Variants in VAT1L observed in about 807,000 individuals in gnomAD.
VAT1L encodes the protein putative NADPH-dependent quinone oxidoreductase VAT1L.
VAT1L carries 34 observed loss-of-function variants against 44.1 expected under a neutral mutation model. That is an observed-to-expected ratio of 0.77 (90% CI 0.59 to 1.03). The LOEUF is 1.03. VAT1L is among the 50% of genes least tolerant of loss of function. VAT1L has a pLI of 0.00. For synonymous variants in VAT1L, 253 were observed against 202.2 expected, an observed-to-expected ratio of 1.25 and a Z score of -2.13; for missense variants, 615 against 538.8, an observed-to-expected ratio of 1.14 and a Z score of -1.40.
At chr16:77,897,925 A>C (rs145645564) in intron 7 of VAT1L, among the ~76,000 whole-genome samples, 6 of 152,314 alleles carry the variant, frequency 3.9e-5, no homozygotes, top group Non-Finnish European at 7.3e-5. Context: ...CTGTTGTAAC[A>C]AAGTACCACA....
At chr16:77,828,085 G>T (rs1174159834) in intron 3 of VAT1L, among the ~76,000 whole-genome samples, 1 of 152,144 alleles carries the variant, frequency 6.6e-6, no homozygotes, top group African/African-American at 2.4e-5. Context: ...GCAATTAAAG[G>T]TTACCATTAG....
intron 7 of VAT1L, among the ~76,000 whole-genome samples, chr16:77,957,258 C>T (rs2018113614): frequency 6.6e-6 from 1 of 152,144 alleles, no homozygotes; most frequent in Admixed American, 6.5e-5. Context: ...TGAAAACCTT[C>T]AGACATTATG....
intron 7 of VAT1L, among the ~76,000 whole-genome samples, chr16:77,895,859 C>T (rs141625617): frequency 6.6e-6 from 1 of 152,326 alleles, no homozygotes; most frequent in Non-Finnish European, 1.5e-5. Flanking sequence ...TGCTTAGGGG[C>T]AGCCAGGATG....
At chr16:77,952,554 C>T (rs2018056219) in intron 7 of VAT1L, among the ~76,000 whole-genome samples, 1 of 152,060 alleles carries the variant, frequency 6.6e-6, no homozygotes, top group Non-Finnish European at 1.5e-5. Context: ...CAGCACTATG[C>T]TTCCCATAAA....
intron 1 of VAT1L, among the ~76,000 whole-genome samples, chr16:77,797,748 C>A (rs1037259412): frequency 1.3e-5 from 2 of 152,180 alleles, no homozygotes; most frequent in African/African-American, 4.8e-5. Flanking sequence ...GCTCCTGGGA[C>A]TTCCTTTTCC....
rs577277870 is a variant in VAT1L at position 77,940,561 on chromosome 16, T to C, written c.1078-31289T>C. 6.6e-5 allele frequency among the ~76,000 whole-genome samples: 10 copies of C among 152,154 alleles called. No individual in the cohort carries two copies. The South Asian group carries it at 1.9e-3, about 28-fold the overall frequency. On this transcript the variant is annotated intron_variant, in intron 7 of 8. Transcript: ENST00000302536. ...GGTTTCACCATGTTGGTCATGCTGG[T>C]CTTAAACTCCTGACCACGTGATCCG...
chr16:77,819,507 G>A (rs1221760155), intron 2 of VAT1L, among the ~76,000 whole-genome samples: 1 of 151,896 alleles, frequency 6.6e-6, no homozygotes, highest in African/African-American at 2.4e-5. Flanking sequence ...TCAGCCTCCT[G>A]AGTAGCTGGG....
chr16:77,885,742 T>C (rs936406971), intron 7 of VAT1L, among the ~76,000 whole-genome samples: 1 of 152,172 alleles, frequency 6.6e-6, no homozygotes, highest in African/African-American at 2.4e-5. Flanking sequence ...AAATAACAAG[T>C]ACGAAAGTTC....
chr16:77,788,566 T>G lies in VAT1L; in HGVS notation c.-117T>G. ...CGGCGCTCGCAGAGGCTGCAGCCATTGCACAGCCGAGCATCCCACATTCAA... is the reference window on the plus strand; with the variant it reads ...CGGCGCTCGCAGAGGCTGCAGCCATGGCACAGCCGAGCATCCCACATTCAA... On this transcript the variant is annotated 5_prime_UTR_variant, in exon 1 of 9. In the 5' UTR this introduces an upstream ATG that the reference lacks. Transcript: ENST00000302536. 8.2e-7 allele frequency: 1 copy of G among 1,215,998 alleles called. No homozygotes were observed. Among genetic ancestry groups the G allele is most frequent in the Non-Finnish European group, 1.1e-6 (1 of 877,448 alleles). The allele number at this position is 1,215,998 out of a possible 1,614,324, so 75.3% of individuals were successfully genotyped here.
intron 7 of VAT1L, among the ~76,000 whole-genome samples, chr16:77,890,661 A>G (rs1425190978): frequency 6.6e-6 from 1 of 151,526 alleles, no homozygotes; most frequent in East Asian, 2.0e-4. Context: ...GGTGGCTCAC[A>G]CCTGTTATCC....
At chr16:77,920,115 G>A (rs142617752) in intron 7 of VAT1L, among the ~76,000 whole-genome samples, 39 of 152,224 alleles carry the variant, frequency 2.6e-4, no homozygotes, top group African/African-American at 8.9e-4. Flanking sequence ...ACCGTATCCG[G>A]ATACAAACAA....
chr16:77,830,315 G>A (rs2016565595), intron 3 of VAT1L, among the ~76,000 whole-genome samples: 1 of 152,076 alleles, frequency 6.6e-6, no homozygotes, highest in South Asian at 2.1e-4. Context: ...GCTCCTCTGG[G>A]AAGCCATACT....
intron 2 of VAT1L, among the ~76,000 whole-genome samples, chr16:77,818,263 G>A (rs2016389399): frequency 6.6e-6 from 1 of 152,126 alleles, no homozygotes; most frequent in Admixed American, 6.5e-5. Flanking sequence ...TCAGTATCCT[G>A]TGAAAAGATC....
chr16:77,978,442 A>G lies in VAT1L; in HGVS notation c.*747A>G, dbSNP rs1238794772. 6.6e-6 allele frequency: 1 copy of G among 152,214 alleles called. No individual in the cohort carries two copies. The highest frequency in any genetic ancestry group is 2.4e-5 in the African/African-American group (1 of 41,450). The allele number at this position is 152,214 out of a possible 1,614,324, so 9.4% of individuals were successfully genotyped here. On this transcript the variant is annotated 3_prime_UTR_variant, in exon 9 of 9. Transcript: ENST00000302536. ...TCATGGGCAGGATTCTTCCTGCTCC[A>G]TATCTGTTTCAATTTTAAGAAAGCA... is the stretch of plus-strand genomic sequence containing the variant.
At chr16:77,807,186 G>A (rs1371779317) in intron 1 of VAT1L, among the ~76,000 whole-genome samples, 1 of 152,116 alleles carries the variant, frequency 6.6e-6, no homozygotes, top group South Asian at 2.1e-4. Flanking sequence ...ACCCTGAAAG[G>A]AGAGATCACA....
At chr16:77,955,429 TC>T (rs2018091870) in intron 7 of VAT1L, among the ~76,000 whole-genome samples, 1 of 152,110 alleles carries the variant, frequency 6.6e-6, no homozygotes, top group Admixed American at 6.5e-5. Flanking sequence ...GAGGAACTCT[TC>T]AACAGAGAAT....
chr16:77,959,983 T>C (rs1215890835), intron 7 of VAT1L, among the ~76,000 whole-genome samples: 3 of 151,998 alleles, frequency 2.0e-5, no homozygotes, highest in African/African-American at 7.2e-5. Flanking sequence ...TGGAATGGTC[T>C]TCTCTCTCTC....
Position 77,825,396 on chromosome 16 carries a change from C to T in VAT1L, c.514C>T (p.Leu172=). 6.2e-7 allele frequency: 1 copy of T among 1,613,294 alleles called. No homozygotes were observed. Among genetic ancestry groups the T allele is most frequent in the Non-Finnish European group, 8.5e-7 (1 of 1,179,718 alleles). Residue 172 remains leucine (L), a synonymous_variant, in exon 3 of 9, where the codon CTG becomes TTG. Transcript: ENST00000302536. ...PMNFVTAYVM[L]FEVANLREGM... ...GAACTTCGTCACAGCCTATGTGATG[C>T]TGTTTGAAGTTGCCAACCTCCGGGA...
chr16:77,976,497 C>G (rs2018341392), intron 8 of VAT1L, among the ~76,000 whole-genome samples: 1 of 152,022 alleles, frequency 6.6e-6, no homozygotes, highest in Non-Finnish European at 1.5e-5. Flanking sequence ...ATGGGGAGAG[C>G]TGAGATTCAG....
Sources: allele counts gnomAD v4.1 joint callset (sites outside exome capture counted in the v4.1 genomes callset), GRCh38; gene constraint gnomAD v4.1.1; transcripts MANE v1.5; gene names NCBI Gene and HGNC (gene_info 2026-07-23, HGNC 2026-07-21).